The following ST18 variants were observed in gnomAD, a reference collection of about 807,000 sequenced individuals.
ST18 encodes the protein ST18 C2H2C-type zinc finger transcription factor, also known as suppression of tumorigenicity 18 protein.
A neutral mutation model predicts 110.0 loss-of-function variants in ST18; 50 were observed. That is an observed-to-expected ratio of 0.45 (90% CI 0.36 to 0.58). The LOEUF (loss-of-function observed/expected upper bound fraction) is 0.58, where lower values mean the gene tolerates loss of function less well. Among genes scored for constraint, ST18 ranks in the 20% least tolerant of loss-of-function variants. The probability of loss-of-function intolerance (pLI) is 0.00; values close to 1 mark genes in which losing one functional copy is unlikely to be tolerated. For missense variants in ST18, 1,306 were observed against 1,280.1 expected (o/e 1.02, Z -0.31); for synonymous variants, 461 against 452.4 (o/e 1.02, Z -0.24).
rs757551599 is a variant in ST18, at chr8:52,116,330, G to T, written c.2948C>A (p.Ala983Glu). 2.5e-6 allele frequency: 4 copies of T among 1,613,966 alleles called. No individual in the cohort carries two copies. Among genetic ancestry groups the T allele is most frequent in the Non-Finnish European group, 3.4e-6 (4 of 1,179,936 alleles). The stretch of plus-strand genomic sequence containing the variant: ...TGAAATGAGAGCTTGGCTTAGACCT[G>T]CCAGCTCTTTCAGCAGACTTTCATT... ...QNNESLLKEL[A>E]GLSQALISSL... The change falls in exon 25 of 26, where the codon GCA becomes GAA. Residue 983 changes from alanine to glutamate, a missense_variant. Transcript: ENST00000689386.
At chr8:52,245,399 A>T (rs887764866) in intron 2 of ST18, among the ~76,000 whole-genome samples, 16 of 152,228 alleles carry the variant, frequency 1.1e-4, no homozygotes, top group African/African-American at 3.9e-4. Context: ...GCCAAACATG[A>T]ATTCACTCAT....
intron 16 of ST18, among the ~76,000 whole-genome samples, chr8:52,146,550 C>G (rs533462151): frequency 8.5e-5 from 13 of 152,124 alleles, no homozygotes; most frequent in African/African-American, 3.1e-4. Flanking sequence ...CTTTACCCCC[C>G]TCACATTTCT....
chr8:52,242,159 C>T (rs1474538064), intron 2 of ST18, among the ~76,000 whole-genome samples: 2 of 152,168 alleles, frequency 1.3e-5, no homozygotes, highest in African/African-American at 4.8e-5. Flanking sequence ...GGAAACTATA[C>T]AAGCATTATA....
At chr8:52,362,105 T>A (rs1398109501) in intron 2 of ST18, among the ~76,000 whole-genome samples, 1 of 152,208 alleles carries the variant, frequency 6.6e-6, no homozygotes, top group Non-Finnish European at 1.5e-5. Flanking sequence ...TTTCATGCTA[T>A]CTGAGTGAAT....
intron 2 of ST18, among the ~76,000 whole-genome samples, chr8:52,295,929 A>C (rs1457417583): frequency 6.6e-6 from 1 of 151,960 alleles, no homozygotes; most frequent in Non-Finnish European, 1.5e-5. Flanking sequence ...GCTTAGGACA[A>C]ACAGAACAGG....
At chr8:52,368,298 A>C (rs529280435) in intron 2 of ST18, among the ~76,000 whole-genome samples, 1 of 152,362 alleles carries the variant, frequency 6.6e-6, no homozygotes, top group African/African-American at 2.4e-5. Flanking sequence ...AATAGTCTTA[A>C]ATGTTTTGAC....
intron 2 of ST18, among the ~76,000 whole-genome samples, chr8:52,378,429 C>T (rs1394363530): frequency 1.3e-5 from 2 of 152,124 alleles, no homozygotes; most frequent in African/African-American, 4.8e-5. Flanking sequence ...GAGCTATTTA[C>T]TGCTAAAAAG....
intron 8 of ST18, among the ~76,000 whole-genome samples, chr8:52,188,959 G>A (rs7011912): frequency 0.21 from 31,623 of 152,028 alleles, 6,785 homozygotes; most frequent in African/African-American, 0.55. Flanking sequence ...ACTGGAGCAC[G>A]TTAAACTTGC....
chr8:52,384,537 A>T (rs1427951880), intron 2 of ST18, among the ~76,000 whole-genome samples: 1 of 152,070 alleles, frequency 6.6e-6, no homozygotes, highest in African/African-American at 2.4e-5. Flanking sequence ...TCTGTCATGC[A>T]CACACTCCAG....
At chr8:52,131,198 C>T (rs1277018189) in intron 22 of ST18, among the ~76,000 whole-genome samples, 6 of 152,190 alleles carry the variant, frequency 3.9e-5, no homozygotes, top group Non-Finnish European at 7.4e-5. Context: ...ATATACAAAA[C>T]ATTAACGGTT....
intron 2 of ST18, among the ~76,000 whole-genome samples, chr8:52,275,152 T>C (rs1177162647): frequency 6.6e-6 from 1 of 152,124 alleles, no homozygotes; most frequent in African/African-American, 2.4e-5. Context: ...TACTTAAAAA[T>C]AATTTAATGA....
intron 2 of ST18, among the ~76,000 whole-genome samples, chr8:52,344,679 G>T (rs1247508983): frequency 6.6e-6 from 1 of 152,178 alleles, no homozygotes; most frequent in Non-Finnish European, 1.5e-5. Context: ...GGGATTACAG[G>T]CATGAGCCAC....
At chr8:52,196,276 G>A (rs1163762730) in intron 8 of ST18, among the ~76,000 whole-genome samples, 1 of 152,172 alleles carries the variant, frequency 6.6e-6, no homozygotes, top group African/African-American at 2.4e-5. Context: ...TTTTCCCTGA[G>A]AGAAAGTTTG....
intron 2 of ST18, among the ~76,000 whole-genome samples, chr8:52,279,775 C>A (rs376071991): frequency 2.0e-5 from 3 of 152,142 alleles, no homozygotes. Context: ...GGATATGCAA[C>A]GTGAACAATT....
intron 15 of ST18, among the ~76,000 whole-genome samples, chr8:52,150,384 A>G (rs2058519390): frequency 6.6e-6 from 1 of 152,188 alleles, no homozygotes; most frequent in African/African-American, 2.4e-5. Flanking sequence ...CATCATTTAA[A>G]GCATTCACAT....
intron 2 of ST18, among the ~76,000 whole-genome samples, chr8:52,363,289 T>C (rs1826505040): frequency 6.6e-6 from 1 of 152,258 alleles, no homozygotes; most frequent in African/African-American, 2.4e-5. Context: ...TTTTGCTTCA[T>C]ATTTTGAGGC....
intron 2 of ST18, among the ~76,000 whole-genome samples, chr8:52,259,091 T>C (rs2094605531): frequency 6.6e-6 from 1 of 152,146 alleles, no homozygotes; most frequent in Non-Finnish European, 1.5e-5. Flanking sequence ...GCATTCATTC[T>C]CTCTAGATTG....
chr8:52,243,766 A>T (rs2093628604), intron 2 of ST18, among the ~76,000 whole-genome samples: 1 of 152,204 alleles, frequency 6.6e-6, no homozygotes, highest in South Asian at 2.1e-4. Context: ...AACAAATTAT[A>T]TGTACAATGT....
chr8:52,127,385 C>G (rs755580695), intron 22 of ST18, among the ~76,000 whole-genome samples: 3 of 152,156 alleles, frequency 2.0e-5, no homozygotes, highest in Non-Finnish European at 2.9e-5. Flanking sequence ...TTTTCAGAAG[C>G]TTCTCACTGT....
Sources: allele counts gnomAD v4.1 joint callset (sites outside exome capture counted in the v4.1 genomes callset), GRCh38; gene constraint gnomAD v4.1.1; transcripts MANE v1.5; gene names NCBI Gene and HGNC (gene_info 2026-07-23, HGNC 2026-07-21).